NBDY: variants seen among roughly 807,000 people sequenced by gnomAD.
NBDY encodes negative regulator of P-body association, also known as P-body dissociating protein.
chrX:56,791,672 A>G (rs1468590266), intron 2 of NBDY, among the ~76,000 whole-genome samples: 1 of 112,027 alleles, frequency 8.9e-6, no homozygotes, highest in Non-Finnish European at 1.9e-5. Flanking sequence ...GTATGTCACC[A>G]TGCATTGACG....
chrX:56,798,727 C>A (rs1182510118), intron 2 of NBDY, among the ~76,000 whole-genome samples: 1 of 111,840 alleles, frequency 8.9e-6, no homozygotes, highest in Non-Finnish European at 1.9e-5. Flanking sequence ...AGACATGAAA[C>A]CTGGAGAAGG....
intron 2 of NBDY, among the ~76,000 whole-genome samples, chrX:56,791,916 C>T (rs1220804681): frequency 9.1e-6 from 1 of 110,093 alleles, no homozygotes; most frequent in Non-Finnish European, 1.9e-5. Context: ...TCTTCTTCTT[C>T]CTCTTCCTCT....
intron 2 of NBDY, among the ~76,000 whole-genome samples, chrX:56,795,894 A>C (rs1287338695): frequency 8.9e-6 from 1 of 112,294 alleles, no homozygotes; most frequent in Non-Finnish European, 1.9e-5. Context: ...TCTGAGTTTC[A>C]GAGGTTCTCG....
Position 56,802,073 on chromosome X carries a change from C to G in NBDY, c.*167-15247C>G, listed in dbSNP as rs187923689. On this transcript the variant is annotated intron_variant, in intron 2 of 2. Transcript: ENST00000374922. Reference sequence around the variant, plus strand: ...AAGCATTCACCCACACAGACGCACACACACATGTGTCGCCATAGCCACCAG... The same window carrying G: ...AAGCATTCACCCACACAGACGCACAGACACATGTGTCGCCATAGCCACCAG... 2.5e-3 allele frequency among the ~76,000 whole-genome samples: 281 copies of G among 111,334 alleles called. 2 individuals carry two copies. Among genetic ancestry groups the G allele is most frequent in the Non-Finnish European group, 4.1e-3 (215 of 52,974 alleles).
intron 2 of NBDY, among the ~76,000 whole-genome samples, chrX:56,793,368 G>C (rs2069774379): frequency 8.9e-6 from 1 of 111,787 alleles, no homozygotes; most frequent in South Asian, 3.8e-4. Flanking sequence ...AAGGGCAAAG[G>C]CTGGCTGCCT....
At chrX:56,811,886 G>A (rs1220714369) in intron 2 of NBDY, among the ~76,000 whole-genome samples, 1 of 112,193 alleles carries the variant, frequency 8.9e-6, no homozygotes, top group African/African-American at 3.2e-5. Flanking sequence ...GGGCCCTGGT[G>A]GCATGGGCAC....
At position 56,802,861 on chromosome X, in the gene NBDY, G is replaced by A. The variant is rs749924955; in HGVS notation, c.*167-14459G>A. 4.4e-5 allele frequency among the ~76,000 whole-genome samples: 5 copies of A among 112,855 alleles called. No homozygotes were observed. In the East Asian group the frequency reaches 1.4e-3, roughly 32 times the overall value. On this transcript the variant is annotated intron_variant, in intron 2 of 2. Coordinates refer to ENST00000374922, the MANE Select transcript of NBDY (RefSeq NM_001348129.2). ...AGTGTCTCCTGCCTACTGGTCCTAG[G>A]TCGTAGGGTCCCTTAAGTTTGGTGG... is the stretch of plus-strand genomic sequence containing the variant.
At chrX:56,745,504 A>G (rs2069552627) in intron 2 of NBDY, among the ~76,000 whole-genome samples, 1 of 110,855 alleles carries the variant, frequency 9.0e-6, no homozygotes, top group African/African-American at 3.3e-5. Context: ...TAAACACTAA[A>G]TCATATATCT....
intron 2 of NBDY, among the ~76,000 whole-genome samples, chrX:56,815,929 G>A (rs2069908782): frequency 9.0e-6 from 1 of 111,093 alleles, no homozygotes. Context: ...TGTTTTTCTG[G>A]AAGAAATTGT....
At chrX:56,812,471 G>T (rs963884362) in intron 2 of NBDY, among the ~76,000 whole-genome samples, 16 of 109,962 alleles carry the variant, frequency 1.5e-4, no homozygotes, top group African/African-American at 5.3e-4. Context: ...CATTTCCAGA[G>T]TCCTTCCCTC....
At chrX:56,759,699 C>T (rs898072133) in intron 2 of NBDY, among the ~76,000 whole-genome samples, 3 of 111,599 alleles carry the variant, frequency 2.7e-5, no homozygotes, top group Non-Finnish European at 5.7e-5. Context: ...AAGCCGTCCA[C>T]AGGCTGAAGC....
At chrX:56,813,412 C>G (rs756097118) in intron 2 of NBDY, among the ~76,000 whole-genome samples, 2 of 110,991 alleles carry the variant, frequency 1.8e-5, no homozygotes, top group Non-Finnish European at 3.8e-5. Context: ...TACAGGCAGG[C>G]TGTCTCTGCC....
chrX:56,730,813 A>G (rs5960786), intron 1 of NBDY, among the ~76,000 whole-genome samples: 7,335 of 111,664 alleles, frequency 0.066, 543 homozygotes, highest in African/African-American at 0.23. Flanking sequence ...TTACTATCAG[A>G]AAAGGAATCT....
chrX:56,767,245 CT>C (rs767634517), intron 2 of NBDY, among the ~76,000 whole-genome samples: 2 of 113,688 alleles, frequency 1.8e-5, no homozygotes, highest in East Asian at 5.6e-4. Context: ...AAGTCAAAGG[CT>C]TGCTGCCTCC....
At chrX:56,731,597 A>C (rs751239204) in intron 1 of NBDY, among the ~76,000 whole-genome samples, 1 of 110,990 alleles carries the variant, frequency 9.0e-6, no homozygotes, top group African/African-American at 3.3e-5. Context: ...ATAATTTTAA[A>C]AAATAAAAAG....
At chrX:56,808,378 G>A (rs1233649609) in intron 2 of NBDY, among the ~76,000 whole-genome samples, 10 of 111,678 alleles carry the variant, frequency 9.0e-5, no homozygotes, top group Admixed American at 1.9e-4. Flanking sequence ...CTGTGAATCC[G>A]TCTGGTCCTG....
chrX:56,739,238 G>GTGTATATATATATA (rs1556001298), intron 2 of NBDY, among the ~76,000 whole-genome samples: 21 of 59,609 alleles, frequency 3.5e-4, no homozygotes, highest in African/African-American at 1.3e-3. Context: ...GTTTGTGTGT[G>GTGTATATATATATA]TATATATATA....
chrX:56,813,075 T>C (rs1220800675), intron 2 of NBDY, among the ~76,000 whole-genome samples: 1 of 110,903 alleles, frequency 9.0e-6, no homozygotes, highest in Non-Finnish European at 1.9e-5. Context: ...GCATTAGAGA[T>C]ATACCTAATG....
At chrX:56,784,464 G>T (rs2069715283) in intron 2 of NBDY, among the ~76,000 whole-genome samples, 1 of 111,766 alleles carries the variant, frequency 8.9e-6, no homozygotes, top group Admixed American at 9.4e-5. Flanking sequence ...CTGTCCTGGA[G>T]AGAAAGCCAC....
Sources: gnomAD v4.1 joint callset for allele counts (sites outside exome capture counted in the v4.1 genomes callset) on GRCh38, gnomAD v4.1.1 for gene constraint, MANE v1.5 for transcripts, NCBI Gene and HGNC (gene_info 2026-07-23, HGNC 2026-07-21) for gene names.